The following ZDHHC2 variants were observed in gnomAD, a reference collection of about 807,000 sequenced individuals.
ZDHHC2 encodes zDHHC palmitoyltransferase 2, also known as palmitoyltransferase ZDHHC2.
Under a neutral mutation model 55.6 loss-of-function variants are expected in ZDHHC2, and 51 were observed. That is an observed-to-expected ratio of 0.92 (90% CI 0.73 to 1.16). The LOEUF (loss-of-function observed/expected upper bound fraction) is 1.16, where lower values mean the gene tolerates loss of function less well. Among genes scored for constraint, ZDHHC2 ranks in the 50% most tolerant of loss-of-function variants. ZDHHC2 has a pLI of 0.00. For synonymous variants in ZDHHC2, 199 were observed against 152.9 expected (o/e 1.30, Z -2.22); for missense variants, 491 against 442.4 (o/e 1.11, Z -0.99).
At chr8:17,194,772 T>C (rs1170462519) in intron 3 of ZDHHC2, among the ~76,000 whole-genome samples, 1 of 152,218 alleles carries the variant, frequency 6.6e-6, no homozygotes, top group Admixed American at 6.5e-5. Flanking sequence ...CTCCAATTTA[T>C]CCATCATCCT....
At chr8:17,176,247 G>A (rs1805125750) in intron 1 of ZDHHC2, among the ~76,000 whole-genome samples, 1 of 152,152 alleles carries the variant, frequency 6.6e-6, no homozygotes, top group Admixed American at 6.5e-5. Flanking sequence ...TAGACTGTTA[G>A]GAATATCAGG....
chr8:17,172,719 C>G (rs1804921395), intron 1 of ZDHHC2, among the ~76,000 whole-genome samples: 1 of 152,152 alleles, frequency 6.6e-6, no homozygotes, highest in South Asian at 2.1e-4. Flanking sequence ...TCAGTGTCTG[C>G]ATGTGAGAAA....
At position 17,197,763 on chromosome 8, in the gene ZDHHC2, C is replaced by T; in HGVS notation, c.443+112C>T. On this transcript the variant is annotated intron_variant, in intron 5 of 12. Coordinates refer to ENST00000262096, the MANE Select transcript of ZDHHC2 (RefSeq NM_016353.5). ...TCTTCTCCATATTCTCGCTTCTCAG[C>T]CCTTGATTTAGGAAATGGAGTTGGT... The T allele has an allele frequency of 3.3e-6, 4 of 1,194,542 alleles. No homozygotes were observed. The South Asian group carries it at 4.3e-5, about 13-fold the overall frequency. The allele number at this position is 1,194,542 out of a possible 1,614,324, so 74.0% of individuals were successfully genotyped here.
In ZDHHC2 at chr8:17,187,729, G is replaced by T. The variant is rs543064804; in HGVS notation, c.252+1304G>T. On this transcript the variant is annotated intron_variant, in intron 3 of 12. Transcript: ENST00000262096. ...AAGAAAAATACTGACTTCTATCATA[G>T]GTAGTCTCATCCACTCTGGTAGTTT... is the stretch of plus-strand genomic sequence containing the variant. Among the ~76,000 whole-genome samples the T allele has an allele frequency of 7.9e-5, 12 of 151,932 alleles. 1 individual carries two copies. The South Asian group carries it at 2.5e-3, about 32-fold the overall frequency.
intron 6 of ZDHHC2, among the ~76,000 whole-genome samples, chr8:17,200,020 G>A (rs907132738): frequency 6.6e-6 from 1 of 152,100 alleles, no homozygotes; most frequent in African/African-American, 2.4e-5. Flanking sequence ...CTCCCAAAGT[G>A]CTGGGATTAC....
chr8:17,195,886 T>C (rs1053173308), intron 4 of ZDHHC2, among the ~76,000 whole-genome samples: 3 of 152,196 alleles, frequency 2.0e-5, no homozygotes, highest in African/African-American at 7.2e-5. Context: ...TCAGTGAAGA[T>C]GTGGGAACTG....
intron 1 of ZDHHC2, among the ~76,000 whole-genome samples, chr8:17,161,422 T>A (rs1804337530): frequency 6.6e-6 from 1 of 152,222 alleles, no homozygotes; most frequent in African/African-American, 2.4e-5. Flanking sequence ...TCTATTAAGT[T>A]GATGCAAAAG....
At chr8:17,181,260 A>G (rs1485241916) in intron 1 of ZDHHC2, among the ~76,000 whole-genome samples, 1 of 152,248 alleles carries the variant, frequency 6.6e-6, no homozygotes, top group Non-Finnish European at 1.5e-5. Flanking sequence ...CTCAGTAAAC[A>G]TTAATGGGGC....
In ZDHHC2 at chr8:17,156,738, C is replaced by T. The variant is rs1409917497; in HGVS notation, c.15C>T (p.Gly5=). MAPS[G]PGSSARRRCR... is the part of the protein sequence containing the mutation. Reference sequence around the variant, plus strand: ...GCGGCTGGAAGATGGCGCCCTCGGGCCCGGGCAGCAGCGCCAGGCGGCGGT... The same window carrying T: ...GCGGCTGGAAGATGGCGCCCTCGGGTCCGGGCAGCAGCGCCAGGCGGCGGT... Residue 5 remains glycine (G), a synonymous_variant, in exon 1 of 13, where the codon GGC becomes GGT. Transcript: ENST00000262096. 3.4e-6 allele frequency: 5 copies of T among 1,488,376 alleles called. No individual in the cohort carries two copies. The South Asian group carries it at 3.8e-5, about 11-fold the overall frequency. The allele number at this position is 1,488,376 out of a possible 1,614,324, so 92.2% of individuals were successfully genotyped here.
At chr8:17,202,876 T>A (rs1806873156) in intron 6 of ZDHHC2, among the ~76,000 whole-genome samples, 2 of 151,982 alleles carry the variant, frequency 1.3e-5, no homozygotes, top group Admixed American at 1.3e-4. Flanking sequence ...AATTTTACCA[T>A]CCCCTCAAGC....
intron 3 of ZDHHC2, among the ~76,000 whole-genome samples, chr8:17,193,068 C>G (rs1038320644): frequency 4.6e-5 from 7 of 152,218 alleles, no homozygotes; most frequent in Non-Finnish European, 8.8e-5. Context: ...CTACACTAAA[C>G]TCTGTAGTAT....
intron 10 of ZDHHC2, among the ~76,000 whole-genome samples, chr8:17,212,753 T>A (rs770054614): frequency 2.0e-4 from 30 of 152,176 alleles, no homozygotes; most frequent in Non-Finnish European, 3.4e-4. Context: ...CTAATGAATG[T>A]CTGTTCCATC....
chr8:17,195,011 TA>T (rs1241403424), intron 3 of ZDHHC2, among the ~76,000 whole-genome samples: 4 of 152,168 alleles, frequency 2.6e-5, no homozygotes, highest in African/African-American at 9.7e-5. Flanking sequence ...AGAAGTAAAA[TA>T]AATAATTAGA....
At chr8:17,175,456 A>G (rs1805081645) in intron 1 of ZDHHC2, among the ~76,000 whole-genome samples, 1 of 152,156 alleles carries the variant, frequency 6.6e-6, no homozygotes, top group African/African-American at 2.4e-5. Flanking sequence ...ACTACATGCT[A>G]ATTATTCACT....
intron 7 of ZDHHC2, 57 bp downstream of exon 7, chr8:17,205,832 T>C: frequency 6.8e-7 from 1 of 1,473,258 alleles, no homozygotes; most frequent in South Asian, 1.4e-5. Context: ...TAATATAGGC[T>C]TTTCAGAACA....
At chr8:17,194,568 A>C (rs187439838) in intron 3 of ZDHHC2, among the ~76,000 whole-genome samples, 1 of 151,826 alleles carries the variant, frequency 6.6e-6, no homozygotes, top group Admixed American at 6.6e-5. Flanking sequence ...TCACATGTGC[A>C]TGTATCTCTC....
chr8:17,198,294 T>C lies in ZDHHC2; in HGVS notation c.444-87T>C, dbSNP rs1806429082. ...CAATATTTTACTTGCCGCAGCTGTTTGAACTAACCATAATTTATATTTTTA... is the reference window on the plus strand; with the variant it reads ...CAATATTTTACTTGCCGCAGCTGTTCGAACTAACCATAATTTATATTTTTA... On this transcript the variant is annotated intron_variant, in intron 5 of 12. Transcript: ENST00000262096. The C allele has an allele frequency of 3.1e-6, 4 of 1,286,704 alleles. No individual in the cohort carries two copies. In the Admixed American group the frequency reaches 1.2e-4, roughly 39 times the overall value. The allele number at this position is 1,286,704 out of a possible 1,614,324, so 79.7% of individuals were successfully genotyped here. A position where few individuals can be genotyped will look rare whatever the true frequency, so the allele number is the denominator to read the frequency against.
At chr8:17,191,893 C>T (rs775300006) in intron 3 of ZDHHC2, among the ~76,000 whole-genome samples, 1 of 152,128 alleles carries the variant, frequency 6.6e-6, no homozygotes, top group Non-Finnish European at 1.5e-5. Flanking sequence ...AGAAACCCAT[C>T]GTAGTAGTAC....
chr8:17,190,498 A>G (rs1253637382), intron 3 of ZDHHC2, among the ~76,000 whole-genome samples: 1 of 152,160 alleles, frequency 6.6e-6, no homozygotes, highest in Non-Finnish European at 1.5e-5. Context: ...TAAAATGAGG[A>G]TCCTGAACTG....
Sources: gnomAD v4.1 joint callset for allele counts (sites outside exome capture counted in the v4.1 genomes callset) on GRCh38, gnomAD v4.1.1 for gene constraint, MANE v1.5 for transcripts, NCBI Gene and HGNC (gene_info 2026-07-23, HGNC 2026-07-21) for gene names.